Variants in IL17RD observed in about 807,000 individuals in gnomAD.
IL17RD encodes the protein interleukin-17 receptor D.
In IL17RD, 52 loss-of-function variants were observed where a neutral mutation model predicts 80.5. The observed-to-expected ratio is 0.65, with a 90% CI of 0.52 to 0.81. The LOEUF (loss-of-function observed/expected upper bound fraction) is 0.81, where lower values mean the gene tolerates loss of function less well. IL17RD is among the 40% of genes least tolerant of loss of function. IL17RD has a pLI of 0.00. For missense variants in IL17RD, 1,024 were observed against 955.1 expected (o/e 1.07, Z -0.95); for synonymous variants, 416 against 391.8 (o/e 1.06, Z -0.73).
intron 1 of IL17RD, among the ~76,000 whole-genome samples, chr3:57,131,850 C>T (rs768910321): frequency 2.6e-5 from 4 of 152,180 alleles, no homozygotes; most frequent in Non-Finnish European, 4.4e-5. Flanking sequence ...CTTAAAGCTA[C>T]GTCTGTTGAA....
chr3:57,109,794 G>T, intron 4 of IL17RD, 137 bp from the exon 5 acceptor site: 1 of 863,092 alleles, frequency 1.2e-6, no homozygotes, highest in Non-Finnish European at 1.8e-6. Context: ...GAAGCAGGAA[G>T]TCAGGTCTAG....
intron 1 of IL17RD, chr3:57,134,798 C>T (rs957164356): frequency 1.7e-5 from 7 of 412,216 alleles, no homozygotes; most frequent in East Asian, 5.2e-5. Flanking sequence ...CAAGCCTTTA[C>T]CTGCCATAAA....
Position 57,106,158 on chromosome 3 carries a change from T to G in IL17RD, c.551-4A>C. 1 of 1,608,092 alleles carries G rather than the reference T, an allele frequency of 6.2e-7. No homozygotes were observed. Among genetic ancestry groups the G allele is most frequent in the Non-Finnish European group, 8.5e-7 (1 of 1,175,682 alleles). ...GGCTGTAACAACAGGTCACAGGCTATTAAGAGAATAAAGATACATGTTTTT... is the reference window on the plus strand; with the variant it reads ...GGCTGTAACAACAGGTCACAGGCTAGTAAGAGAATAAAGATACATGTTTTT... On this transcript the variant is annotated splice_region_variant and splice_polypyrimidine_tract_variant and intron_variant, in intron 5 of 12. Coordinates refer to ENST00000296318, the MANE Select transcript of IL17RD (RefSeq NM_017563.5).
At chr3:57,105,024 A>G (rs921826359) in intron 7 of IL17RD, among the ~76,000 whole-genome samples, 2 of 152,150 alleles carry the variant, frequency 1.3e-5, no homozygotes, top group Non-Finnish European at 1.5e-5. Flanking sequence ...TATTTGTAAA[A>G]TCAGTAGCCA....
intron 1 of IL17RD, among the ~76,000 whole-genome samples, chr3:57,146,315 C>T (rs1243858016): frequency 6.6e-6 from 1 of 152,188 alleles, no homozygotes; most frequent in Non-Finnish European, 1.5e-5. Flanking sequence ...ATTTCGCCCA[C>T]ACCTAGCTTT....
At chr3:57,109,470 G>T in intron 5 of IL17RD, 67 bp downstream of exon 5, 1 of 1,566,088 alleles carries the variant, frequency 6.4e-7, no homozygotes, top group South Asian at 1.2e-5. Context: ...ACACATTTCT[G>T]TAGAAAAATC....
In IL17RD at chr3:57,091,352, C is replaced by CTATCATCAGGGGAAAAATGTGGT; in HGVS notation, c.*5040_*5041insACCACATTTTTCCCCTGATGATA. 1 of 152,676 alleles carries CTATCATCAGGGGAAAAATGTGGT rather than the reference C, an allele frequency of 6.5e-6. No homozygotes were observed. Among genetic ancestry groups the CTATCATCAGGGGAAAAATGTGGT allele is most frequent in the East Asian group, 1.9e-4 (1 of 5,168 alleles). The allele number at this position is 152,676 out of a possible 1,614,324, so 9.5% of individuals were successfully genotyped here. A position where few individuals can be genotyped will look rare whatever the true frequency, so the allele number is the denominator to read the frequency against. On this transcript the variant is annotated 3_prime_UTR_variant, in exon 13 of 13. Coordinates refer to ENST00000296318, the MANE Select transcript of IL17RD (RefSeq NM_017563.5). ...GACTATCATCAGGGGAAAAATGTGG[C>CTATCATCAGGGGAAAAATGTGGT]AGTCAAATAATTCTCAATGAATATA...
intron 3 of IL17RD, among the ~76,000 whole-genome samples, chr3:57,112,875 A>C (rs757214174): frequency 2.0e-5 from 3 of 152,208 alleles, no homozygotes; most frequent in Non-Finnish European, 4.4e-5. Flanking sequence ...TGGCAGTGTC[A>C]AAGCGGCAGT....
intron 1 of IL17RD, chr3:57,164,795 G>A (rs867747319): frequency 1.1e-5 from 8 of 700,288 alleles, no homozygotes; most frequent in South Asian, 3.6e-5. Context: ...TGGCTCGGGG[G>A]ATCCCAGCCC....
chr3:57,130,258 C>G (rs1707577300), intron 1 of IL17RD, among the ~76,000 whole-genome samples: 1 of 152,170 alleles, frequency 6.6e-6, no homozygotes, highest in Non-Finnish European at 1.5e-5. Flanking sequence ...GCCCCCAGGT[C>G]CAAAGCCATG....
chr3:57,111,426 A>G (rs1198027655), intron 3 of IL17RD, among the ~76,000 whole-genome samples: 1 of 152,156 alleles, frequency 6.6e-6, no homozygotes, highest in African/African-American at 2.4e-5. Context: ...TTCAATTACA[A>G]AGCTTCCTGT....
chr3:57,154,283 T>TATATATAC (rs904157398), intron 1 of IL17RD, among the ~76,000 whole-genome samples: 74 of 112,910 alleles, frequency 6.6e-4, no homozygotes, highest in African/African-American at 2.3e-3. Context: ...TATATATATA[T>TATATATAC]ACACACACAC....
intron 1 of IL17RD, among the ~76,000 whole-genome samples, chr3:57,146,946 C>T (rs1239781224): frequency 2.7e-5 from 4 of 149,348 alleles, no homozygotes; most frequent in African/African-American, 7.4e-5. Flanking sequence ...CTCAGCTTCC[C>T]GAGCAGCTGG....
rs1161777791 is a variant in IL17RD at position 57,165,353 on chromosome 3, T to C, written c.-67A>G. 2.5e-6 allele frequency: 3 copies of C among 1,177,228 alleles called. No homozygotes were observed. The highest frequency in any genetic ancestry group is 7.9e-5 in the East Asian group (2 of 25,244). The allele number at this position is 1,177,228 out of a possible 1,614,324, so 72.9% of individuals were successfully genotyped here. A position where few individuals can be genotyped will look rare whatever the true frequency, so the allele number is the denominator to read the frequency against. ...CCGCCCGCCGCTGGCCAGCCCCGAGTGGGCGGTGGCCGCGGCGGCCGCGGC... is the reference window on the plus strand; with the variant it reads ...CCGCCCGCCGCTGGCCAGCCCCGAGCGGGCGGTGGCCGCGGCGGCCGCGGC... On this transcript the variant is annotated 5_prime_UTR_variant, in exon 1 of 13. Transcript: ENST00000296318.
At position 57,165,149 on chromosome 3, in the gene IL17RD, C is replaced by A; in HGVS notation, c.126+12G>T. ...GTTGGCGACGGCAAGAAACCCGCCG[C>A]CCTCGCCTTACCCTCCAGCCACAGG... On this transcript the variant is annotated intron_variant, in intron 1 of 12. Transcript: ENST00000296318. 2 of 1,518,244 alleles carry A rather than the reference C, an allele frequency of 1.3e-6. No individual in the cohort carries two copies. Among genetic ancestry groups the A allele is most frequent in the Non-Finnish European group, 1.8e-6 (2 of 1,135,670 alleles). 94.0% of individuals were successfully genotyped at this position (1,518,244 alleles called of 1,614,324 possible). A position where few individuals can be genotyped will look rare whatever the true frequency, so the allele number is the denominator to read the frequency against.
intron 1 of IL17RD, among the ~76,000 whole-genome samples, chr3:57,128,419 A>G (rs1378353300): frequency 6.6e-6 from 1 of 152,162 alleles, no homozygotes; most frequent in African/African-American, 2.4e-5. Flanking sequence ...AGCTGAAGGG[A>G]CAATTGTTTC....
intron 7 of IL17RD, among the ~76,000 whole-genome samples, chr3:57,105,493 C>T (rs1706933530): frequency 2.2e-5 from 3 of 133,712 alleles, no homozygotes; most frequent in East Asian, 4.1e-4. Flanking sequence ...GCCAAGATCA[C>T]ACCACTGCAC....
intron 1 of IL17RD, among the ~76,000 whole-genome samples, chr3:57,127,373 T>A (rs1202386645): frequency 3.1e-5 from 3 of 95,264 alleles, no homozygotes; most frequent in East Asian, 3.3e-4. Flanking sequence ...TAAATATATA[T>A]ATATAAATAA....
intron 8 of IL17RD, among the ~76,000 whole-genome samples, chr3:57,103,730 A>G (rs1706888711): frequency 6.6e-6 from 1 of 151,690 alleles, no homozygotes; most frequent in South Asian, 2.1e-4. Context: ...TTTGAGAGGG[A>G]GTTTCACTCT....
Sources: allele counts gnomAD v4.1 joint callset (sites outside exome capture counted in the v4.1 genomes callset), GRCh38; gene constraint gnomAD v4.1.1; transcripts MANE v1.5; gene names NCBI Gene and HGNC (gene_info 2026-07-23, HGNC 2026-07-21).